The following SMIM36 variants were observed in gnomAD, a reference collection of about 807,000 sequenced individuals.
The protein encoded by SMIM36 is small integral membrane protein 36.
At chr17:55,486,819 A>G (rs964417010) in intron 1 of SMIM36, among the ~76,000 whole-genome samples, 1 of 152,250 alleles carries the variant, frequency 6.6e-6, no homozygotes, top group Non-Finnish European at 1.5e-5. Flanking sequence ...ATTCACACTA[A>G]AATGAGAATA....
chr17:55,488,369 C>A (rs1212982451), intron 1 of SMIM36, among the ~76,000 whole-genome samples: 10 of 152,214 alleles, frequency 6.6e-5, no homozygotes, highest in Non-Finnish European at 1.5e-4. Context: ...AACACTTACA[C>A]AACTAATAGA....
At chr17:55,454,958 C>T (rs887777493) in intron 4 of SMIM36, among the ~76,000 whole-genome samples, 6 of 152,124 alleles carry the variant, frequency 3.9e-5, no homozygotes, top group African/African-American at 1.4e-4. Context: ...TTGCATTATT[C>T]ATTACTAGAA....
chr17:55,528,209 T>G, the SMIM36 span: 28 of 152,234 alleles, frequency 1.8e-4, no homozygotes, highest in African/African-American at 6.8e-4. Flanking sequence ...TAGCCTCATG[T>G]GAGGCACAAT....
chr17:55,509,858 G>C (rs1181878477), intron 1 of SMIM36, among the ~76,000 whole-genome samples: 2 of 152,138 alleles, frequency 1.3e-5, no homozygotes, highest in African/African-American at 4.8e-5. Context: ...AGAGAGTGAA[G>C]GGAGAGCAGG....
intron 1 of SMIM36, among the ~76,000 whole-genome samples, chr17:55,497,546 T>C (rs1397247672): frequency 6.6e-6 from 1 of 152,048 alleles, no homozygotes; most frequent in African/African-American, 2.4e-5. Flanking sequence ...ATTACAGGCG[T>C]GAACCACTAT....
the SMIM36 span, among the ~76,000 whole-genome samples, chr17:55,521,798 G>A: frequency 6.6e-6 from 1 of 151,746 alleles, no homozygotes. Context: ...AATCCTGGGG[G>A]CTCTACATTT....
the SMIM36 span, among the ~76,000 whole-genome samples, chr17:55,522,822 C>G: frequency 6.6e-6 from 1 of 152,130 alleles, no homozygotes; most frequent in Non-Finnish European, 1.5e-5. Flanking sequence ...ATGACTCTCC[C>G]CTCTAGAAAG....
intron 3 of SMIM36, among the ~76,000 whole-genome samples, chr17:55,475,560 G>T (rs1443242895): frequency 6.6e-6 from 1 of 152,152 alleles, no homozygotes; most frequent in Non-Finnish European, 1.5e-5. Context: ...CACTGCTGAA[G>T]AAAGAGGACT....
chr17:55,457,245 C>G (rs951354927), intron 4 of SMIM36, among the ~76,000 whole-genome samples: 1 of 151,722 alleles, frequency 6.6e-6, no homozygotes, highest in African/African-American at 2.4e-5. Flanking sequence ...GTCAGGAGAC[C>G]AAGACCATCC....
upstream of SMIM36, among the ~76,000 whole-genome samples, chr17:55,515,427 G>A (rs1910259133): frequency 1.3e-5 from 2 of 152,068 alleles, no homozygotes; most frequent in Non-Finnish European, 1.5e-5. Context: ...GTTGAATAAT[G>A]TCTCCCCTCA....
At chr17:55,521,652 C>A in the SMIM36 span, among the ~76,000 whole-genome samples, 4 of 150,040 alleles carry the variant, frequency 2.7e-5, no homozygotes, top group African/African-American at 7.4e-5. Context: ...GGAGGACATG[C>A]GTGGATTTTA....
intron 3 of SMIM36, among the ~76,000 whole-genome samples, chr17:55,478,196 CA>C (rs962516903): frequency 2.7e-5 from 4 of 147,116 alleles, no homozygotes; most frequent in African/African-American, 7.5e-5. Context: ...TCCCCCCACC[CA>C]AAAAAAAAGT....
intron 4 of SMIM36, among the ~76,000 whole-genome samples, chr17:55,455,266 G>A (rs1287874685): frequency 6.6e-6 from 1 of 152,234 alleles, no homozygotes; most frequent in Admixed American, 6.5e-5. Context: ...TGTATAGAGT[G>A]TAAATCCTCA....
At chr17:55,453,467 C>G (rs1012805544) in intron 4 of SMIM36, among the ~76,000 whole-genome samples, 1 of 152,100 alleles carries the variant, frequency 6.6e-6, no homozygotes, top group Non-Finnish European at 1.5e-5. Context: ...CAGCACTGAT[C>G]CAAATAAAAT....
chr17:55,500,855 AATATATTATAATATATTATATTTTATAAT>A (rs1909908012), intron 1 of SMIM36, among the ~76,000 whole-genome samples: 9 of 18,562 alleles, frequency 4.8e-4, no homozygotes, highest in Non-Finnish European at 5.7e-4. Flanking sequence ...ATTATATTAT[AATATATTATAATATATTATATTTTATAAT>A]ATATATTATA....
the SMIM36 span, chr17:55,526,928 G>A: frequency 6.6e-6 from 1 of 152,108 alleles, no homozygotes; most frequent in Non-Finnish European, 1.5e-5. Flanking sequence ...AGGGCTCAAC[G>A]GTGGCTCTAC....
intron 4 of SMIM36, among the ~76,000 whole-genome samples, chr17:55,461,294 T>G (rs948122886): frequency 3.9e-5 from 6 of 152,158 alleles, no homozygotes; most frequent in African/African-American, 1.4e-4. Flanking sequence ...TTATACACTC[T>G]CAAAATATCC....
intron 1 of SMIM36, among the ~76,000 whole-genome samples, chr17:55,484,205 A>C (rs1794365673): frequency 6.6e-6 from 1 of 152,252 alleles, no homozygotes; most frequent in African/African-American, 2.4e-5. Flanking sequence ...ACTTGAAGTA[A>C]CTAAGGTTTC....
chr17:55,450,950 G>A (rs1193921632), intron 4 of SMIM36, among the ~76,000 whole-genome samples: 1 of 152,068 alleles, frequency 6.6e-6, no homozygotes, highest in Non-Finnish European at 1.5e-5. Flanking sequence ...GCAGTGGCAC[G>A]ATCATGGCTC....
Sources: gnomAD v4.1 joint callset for allele counts (sites outside exome capture counted in the v4.1 genomes callset) on GRCh38, gnomAD v4.1.1 for gene constraint, MANE v1.5 for transcripts, NCBI Gene and HGNC (gene_info 2026-07-23, HGNC 2026-07-21) for gene names.